DOK6: variants seen among roughly 807,000 people sequenced by gnomAD.
DOK6 encodes docking protein 6.
Under a neutral mutation model 44.0 loss-of-function variants are expected in DOK6, and 22 were observed. The observed-to-expected ratio is 0.50, with a 90% CI of 0.36 to 0.71. The LOEUF is 0.71. Among genes scored for constraint, DOK6 ranks in the 30% least tolerant of loss-of-function variants. The pLI is 0.00. For missense variants in DOK6, 340 were observed against 416.4 expected, an observed-to-expected ratio of 0.82 and a Z score of 1.60; for synonymous variants, 166 against 145.5, an observed-to-expected ratio of 1.14 and a Z score of -1.01.
intron 1 of DOK6, among the ~76,000 whole-genome samples, chr18:69,506,755 C>A (rs776947787): frequency 6.6e-6 from 1 of 151,642 alleles, no homozygotes; most frequent in Non-Finnish European, 1.5e-5. Flanking sequence ...TGATAAATAC[C>A]CAGACGTGGG....
intron 1 of DOK6, among the ~76,000 whole-genome samples, chr18:69,446,348 T>A (rs1310883030): frequency 6.6e-6 from 1 of 151,894 alleles, no homozygotes; most frequent in Non-Finnish European, 1.5e-5. Flanking sequence ...AGAATGATGG[T>A]TTCCAGCTTC....
intron 7 of DOK6, among the ~76,000 whole-genome samples, chr18:69,804,702 A>G (rs866978865): frequency 6.6e-6 from 1 of 152,192 alleles, no homozygotes; most frequent in Admixed American, 6.5e-5. Flanking sequence ...TATGGCCAGA[A>G]TTATGCCATA....
chr18:69,719,615 T>A (rs1986961571), intron 5 of DOK6, among the ~76,000 whole-genome samples: 1 of 152,190 alleles, frequency 6.6e-6, no homozygotes, highest in Non-Finnish European at 1.5e-5. Context: ...GGGCCTTTCA[T>A]TCATTTTGAA....
At chr18:69,574,002 C>T (rs573773812) in intron 2 of DOK6, among the ~76,000 whole-genome samples, 1 of 152,064 alleles carries the variant, frequency 6.6e-6, no homozygotes, top group Non-Finnish European at 1.5e-5. Context: ...AACATACGGG[C>T]ACATCCATCT....
intron 5 of DOK6, among the ~76,000 whole-genome samples, chr18:69,712,057 G>A (rs1026810570): frequency 2.3e-4 from 35 of 150,408 alleles, no homozygotes; most frequent in African/African-American, 6.3e-4. Context: ...CGAGGCGGGC[G>A]GATCACGAGG....
intron 1 of DOK6, among the ~76,000 whole-genome samples, chr18:69,485,322 C>T (rs147518600): frequency 1.7e-3 from 263 of 152,142 alleles, no homozygotes; most frequent in African/African-American, 6.1e-3. Flanking sequence ...CTTTCTATAT[C>T]ATATATATGT....
At chr18:69,823,502 C>T (rs1193610931) in intron 7 of DOK6, among the ~76,000 whole-genome samples, 1 of 152,042 alleles carries the variant, frequency 6.6e-6, no homozygotes, top group African/African-American at 2.4e-5. Context: ...TCTCTGGAAA[C>T]TATGTGTAGT....
At chr18:69,802,767 C>G (rs769611028) in intron 7 of DOK6, among the ~76,000 whole-genome samples, 1 of 152,158 alleles carries the variant, frequency 6.6e-6, no homozygotes, top group Admixed American at 6.5e-5. Context: ...GAGGCCTCAA[C>G]AGAAGTCAAA....
chr18:69,848,011 G>A lies in DOK6; in HGVS notation c.*6628G>A, dbSNP rs1000733686. ...AGAGGCCCCCTCCACCCCAACCTTAGTGCATGCTCACACACACACACACAC... is the reference window on the plus strand; with the variant it reads ...AGAGGCCCCCTCCACCCCAACCTTAATGCATGCTCACACACACACACACAC... On this transcript the variant is annotated 3_prime_UTR_variant, in exon 8 of 8. Coordinates refer to ENST00000382713, the MANE Select transcript of DOK6 (RefSeq NM_152721.6). 3.4e-5 allele frequency: 4 copies of A among 116,450 alleles called. No homozygotes were observed. Among genetic ancestry groups the A allele is most frequent in the African/African-American group, 1.2e-4 (4 of 32,318 alleles). The allele number at this position is 116,450 out of a possible 1,614,324, so 7.2% of individuals were successfully genotyped here. A position where few individuals can be genotyped will look rare whatever the true frequency, so the allele number is the denominator to read the frequency against.
At chr18:69,776,646 A>G (rs1980075581) in intron 7 of DOK6, among the ~76,000 whole-genome samples, 1 of 152,112 alleles carries the variant, frequency 6.6e-6, no homozygotes, top group Non-Finnish European at 1.5e-5. Flanking sequence ...AGAAACATCA[A>G]TACTAAAGAC....
intron 1 of DOK6, among the ~76,000 whole-genome samples, chr18:69,412,246 A>G (rs1339140590): frequency 6.6e-6 from 1 of 151,880 alleles, no homozygotes; most frequent in African/African-American, 2.4e-5. Flanking sequence ...ATCCTCCAGA[A>G]CTCCGCTGAG....
intron 1 of DOK6, among the ~76,000 whole-genome samples, chr18:69,524,151 T>C (rs559635140): frequency 6.6e-6 from 1 of 152,160 alleles, no homozygotes; most frequent in African/African-American, 2.4e-5. Context: ...GTTTATTTTA[T>C]GTTTGAGAAA....
At chr18:69,477,316 G>A (rs1011305709) in intron 1 of DOK6, among the ~76,000 whole-genome samples, 2 of 152,288 alleles carry the variant, frequency 1.3e-5, no homozygotes, top group East Asian at 1.9e-4. Context: ...TTGTCCCATT[G>A]GAGGCTACAG....
At chr18:69,789,274 T>C (rs2145095973) in intron 7 of DOK6, among the ~76,000 whole-genome samples, 1 of 152,270 alleles carries the variant, frequency 6.6e-6, no homozygotes, top group Admixed American at 6.5e-5. Context: ...TATATACGCA[T>C]ATAAAATCTG....
At chr18:69,410,400 A>G (rs556871423) in intron 1 of DOK6, among the ~76,000 whole-genome samples, 1 of 152,326 alleles carries the variant, frequency 6.6e-6, no homozygotes, top group African/African-American at 2.4e-5. Flanking sequence ...CCATCAAATG[A>G]TACTTTTTTA....
chr18:69,709,301 A>G (rs944416108), intron 5 of DOK6, among the ~76,000 whole-genome samples: 3 of 152,206 alleles, frequency 2.0e-5, no homozygotes, highest in Admixed American at 6.5e-5. Flanking sequence ...TTAAATAGCC[A>G]AAGTCTTGTC....
At chr18:69,748,735 G>A (rs1979069877) in intron 6 of DOK6, among the ~76,000 whole-genome samples, 1 of 152,152 alleles carries the variant, frequency 6.6e-6, no homozygotes, top group Admixed American at 6.5e-5. Flanking sequence ...AACCATTGTG[G>A]AACATGGTGT....
At chr18:69,423,467 A>G (rs1051259258) in intron 1 of DOK6, among the ~76,000 whole-genome samples, 2 of 152,324 alleles carry the variant, frequency 1.3e-5, no homozygotes, top group Middle Eastern at 3.4e-3. Flanking sequence ...CCTCTACTAC[A>G]TAAGTTAATC....
intron 6 of DOK6, among the ~76,000 whole-genome samples, chr18:69,753,639 G>A (rs970216981): frequency 1.3e-5 from 2 of 152,146 alleles, no homozygotes; most frequent in African/African-American, 4.8e-5. Flanking sequence ...AAAAAGTGAT[G>A]GCAAGTATAT....
Sources: gnomAD v4.1 joint callset for allele counts (sites outside exome capture counted in the v4.1 genomes callset) on GRCh38, gnomAD v4.1.1 for gene constraint, MANE v1.5 for transcripts, NCBI Gene and HGNC (gene_info 2026-07-23, HGNC 2026-07-21) for gene names.